Variants in ARF4 observed in about 807,000 individuals in gnomAD.
ARF4 encodes ADP-ribosylation factor 4.
Under a neutral mutation model 24.3 loss-of-function variants are expected in ARF4, and 5 were observed. The observed-to-expected ratio is 0.21, with a 90% CI of 0.11 to 0.43. The LOEUF (loss-of-function observed/expected upper bound fraction) is 0.43. Ranked by LOEUF, ARF4 falls within the 20% of genes least tolerant of loss-of-function variation. ARF4 has a pLI of 1.00. For synonymous variants in ARF4, 62 were observed against 73.5 expected (o/e 0.84, Z 0.80); for missense variants, 107 against 213.0 (o/e 0.50, Z 3.10).
chr3:57,579,669 T>C (rs1254449518), intron 3 of ARF4, among the ~76,000 whole-genome samples: 1 of 152,188 alleles, frequency 6.6e-6, no homozygotes, highest in South Asian at 2.1e-4. Context: ...TTATTTTACA[T>C]CCATTAAATG....
At chr3:57,580,025 C>T (rs1575782575) in intron 3 of ARF4, among the ~76,000 whole-genome samples, 2 of 152,022 alleles carry the variant, frequency 1.3e-5, no homozygotes, top group African/African-American at 4.8e-5. Context: ...CACATGAGCC[C>T]AGGAGGTTGA....
chr3:57,582,399 C>T (rs1331476851), intron 3 of ARF4, among the ~76,000 whole-genome samples: 3 of 150,600 alleles, frequency 2.0e-5, no homozygotes, highest in Non-Finnish European at 4.4e-5. Context: ...CGCGCCACCA[C>T]GCCCGGCTAA....
At chr3:57,586,064 G>A (rs2070033263) in intron 1 of ARF4, among the ~76,000 whole-genome samples, 1 of 152,170 alleles carries the variant, frequency 6.6e-6, no homozygotes, top group Admixed American at 6.5e-5. Context: ...ATACCTCCTT[G>A]TAGGGTGACA....
intron 1 of ARF4, among the ~76,000 whole-genome samples, chr3:57,594,419 G>A (rs2070156883): frequency 6.6e-6 from 1 of 152,070 alleles, no homozygotes; most frequent in African/African-American, 2.4e-5. Flanking sequence ...CGAGCAGTAT[G>A]GGCAATATCA....
intron 1 of ARF4, among the ~76,000 whole-genome samples, chr3:57,593,196 G>GC (rs1262465595): frequency 1.3e-5 from 2 of 151,982 alleles, no homozygotes; most frequent in Non-Finnish European, 2.9e-5. Flanking sequence ...GGGTGACAGA[G>GC]CAAAACCCTG....
chr3:57,582,330 C>T (rs192963970), intron 3 of ARF4, among the ~76,000 whole-genome samples: 140 of 150,488 alleles, frequency 9.3e-4, no homozygotes, highest in African/African-American at 3.3e-3. Flanking sequence ...ACAACCTCCA[C>T]CTCCCGGGTT....
intron 5 of ARF4, among the ~76,000 whole-genome samples, chr3:57,574,180 C>G (rs1377965777): frequency 6.6e-6 from 1 of 152,008 alleles, no homozygotes; most frequent in Non-Finnish European, 1.5e-5. Flanking sequence ...ACCTCATGAT[C>G]CACCCACCTC....
At chr3:57,576,504 CTTTTTT>C (rs376750506) in intron 4 of ARF4, among the ~76,000 whole-genome samples, 3 of 101,614 alleles carry the variant, frequency 3.0e-5, no homozygotes, top group Non-Finnish European at 5.9e-5. Context: ...CTCAACCAAG[CTTTTTT>C]TTTTTTTTTT....
At chr3:57,581,886 A>G (rs1453903230) in intron 3 of ARF4, among the ~76,000 whole-genome samples, 1 of 152,242 alleles carries the variant, frequency 6.6e-6, no homozygotes. Flanking sequence ...CTGAAGCTGC[A>G]TAATACATAC....
intron 3 of ARF4, among the ~76,000 whole-genome samples, chr3:57,578,539 G>C (rs2069933171): frequency 6.6e-6 from 1 of 152,018 alleles, no homozygotes; most frequent in African/African-American, 2.4e-5. Flanking sequence ...GAGCACAGTA[G>C]CACAATCTTG....
At chr3:57,573,165 G>A (rs1575779076) in intron 5 of ARF4, among the ~76,000 whole-genome samples, 2 of 148,928 alleles carry the variant, frequency 1.3e-5, no homozygotes, top group East Asian at 4.0e-4. Context: ...TCGTGCCACA[G>A]CACTCCAGCC....
intron 3 of ARF4, among the ~76,000 whole-genome samples, chr3:57,582,063 C>A (rs2069980321): frequency 6.6e-6 from 1 of 152,098 alleles, no homozygotes; most frequent in African/African-American, 2.4e-5. Context: ...GGGTACAATG[C>A]AAATATTCCA....
chr3:57,597,188 G>T lies in ARF4; in HGVS notation c.-48C>A. 3 of 1,554,130 alleles carry T rather than the reference G, an allele frequency of 1.9e-6. No individual in the cohort carries two copies. The highest frequency in any genetic ancestry group is 2.2e-5 in the South Asian group (2 of 89,090). ...GGCAGAAGCAGAAGGGGTTTGGGGCGACCCCGTGCTTTCTCCTTTCAAGCT... is the reference window on the plus strand; with the variant it reads ...GGCAGAAGCAGAAGGGGTTTGGGGCTACCCCGTGCTTTCTCCTTTCAAGCT... On this transcript the variant is annotated 5_prime_UTR_variant, in exon 1 of 6. Coordinates refer to ENST00000303436, the MANE Select transcript of ARF4 (RefSeq NM_001660.4).
intron 1 of ARF4, among the ~76,000 whole-genome samples, chr3:57,591,395 T>C (rs1313118933): frequency 3.3e-5 from 5 of 150,464 alleles, no homozygotes; most frequent in South Asian, 2.1e-4. Context: ...GTGAATTTAA[T>C]GAAAAGGAAA....
chr3:57,575,568 G>T lies in ARF4; in HGVS notation c.436C>A (p.Gln146Lys). 1.9e-6 allele frequency: 3 copies of T among 1,613,078 alleles called. No homozygotes were observed. The highest frequency in any genetic ancestry group is 2.5e-6 in the Non-Finnish European group (3 of 1,179,724). ...ISEMTDKLGLQSLRNRTWYVQ... is the reference protein window; with the variant it reads ...ISEMTDKLGLKSLRNRTWYVQ... ...CTTACTGTTCTGTTACGAAGAGACT[G>T]AAGCCCTAGTTTATCTGTCATTTCA... Residue 146 changes from glutamine (Q) to lysine (K), a missense_variant, in exon 5 of 6, where the codon CAG becomes AAG. By Grantham distance (53) the Gln-to-Lys change is moderately conservative (BLOSUM62 1). Transcript: ENST00000303436.
chr3:57,580,161 A>C (rs2069952543), intron 3 of ARF4, among the ~76,000 whole-genome samples: 1 of 152,174 alleles, frequency 6.6e-6, no homozygotes, highest in Non-Finnish European at 1.5e-5. Flanking sequence ...GTGGGAAGAC[A>C]GACTCAAATT....
In ARF4 at chr3:57,584,439, T is replaced by G. The variant is rs773931742; in HGVS notation, c.93A>C (p.Thr31=). The change falls in exon 2 of 6, where the codon ACA becomes ACC. Residue 31 remains threonine, a synonymous_variant. Transcript: ENST00000303436. ...CTAACTTCAGTTTATACAGAATGGT[T>G]GTCTTGCCAGCAGCATCCAATCCAA... ...LMVGLDAAGK[T]TILYKLKLGE... is the part of the protein sequence containing the mutation. The G allele has an allele frequency of 8.7e-6, 14 of 1,613,648 alleles. No homozygotes were observed. Among genetic ancestry groups the G allele is most frequent in the Non-Finnish European group, 1.2e-5 (14 of 1,179,716 alleles).
intron 1 of ARF4, among the ~76,000 whole-genome samples, chr3:57,586,015 TTTGC>T (rs1199466525): frequency 1.3e-5 from 2 of 152,084 alleles, no homozygotes; most frequent in African/African-American, 4.8e-5. Context: ...GAGGAATGTG[TTTGC>T]TTGTGAAAAA....
intron 1 of ARF4, chr3:57,596,662 A>C: frequency 5.4e-6 from 1 of 186,244 alleles, no homozygotes; most frequent in East Asian, 1.7e-4. Flanking sequence ...GGGGAGGGAA[A>C]AGGCTGGAGT....
Sources: allele counts gnomAD v4.1 joint callset (sites outside exome capture counted in the v4.1 genomes callset), GRCh38; gene constraint gnomAD v4.1.1; transcripts MANE v1.5; gene names NCBI Gene and HGNC (gene_info 2026-07-23, HGNC 2026-07-21).